Variants in FGF14 observed in about 807,000 individuals in gnomAD.
FGF14 encodes fibroblast growth factor homologous factor 4.
FGF14 carries 5 observed loss-of-function variants against 25.5 expected under a neutral mutation model. The ratio of observed to expected loss-of-function variants is 0.20; its 90% CI spans 0.10 to 0.41. The LOEUF (loss-of-function observed/expected upper bound fraction) is 0.41, where lower values mean the gene tolerates loss of function less well. FGF14 is among the 10% of genes least tolerant of loss of function. The pLI, the probability that FGF14 is intolerant of heterozygous loss-of-function variation, is 1.00. For synonymous variants in FGF14, 138 were observed against 118.3 expected (o/e 1.17, Z -1.08); for missense variants, 222 against 320.1 (o/e 0.69, Z 2.34).
intron 1 of FGF14, among the ~76,000 whole-genome samples, chr13:102,000,899 G>T (rs1186673114): frequency 6.6e-6 from 1 of 152,232 alleles, no homozygotes; most frequent in Non-Finnish European, 1.5e-5. Flanking sequence ...AGCTGGAGAT[G>T]AGATGGAAAG....
intron 2 of FGF14, among the ~76,000 whole-genome samples, chr13:101,871,708 C>G (rs1030402141): frequency 1.3e-5 from 2 of 151,902 alleles, no homozygotes; most frequent in African/African-American, 4.8e-5. Context: ...GAAAACTCAC[C>G]CACTAATAAA....
At chr13:102,212,347 A>G (rs1342494144) in intron 1 of FGF14, among the ~76,000 whole-genome samples, 1 of 152,194 alleles carries the variant, frequency 6.6e-6, no homozygotes, top group African/African-American at 2.4e-5. Context: ...CGAACACAGT[A>G]AAGTCTAACA....
intron 1 of FGF14, among the ~76,000 whole-genome samples, chr13:102,135,025 AC>A: frequency 8.9e-6 from 1 of 112,986 alleles, no homozygotes; most frequent in Middle Eastern, 4.9e-3. Flanking sequence ...GTCCACACAC[AC>A]ACACACACAC....
At chr13:102,000,041 C>T (rs556602618) in intron 1 of FGF14, among the ~76,000 whole-genome samples, 14 of 152,238 alleles carry the variant, frequency 9.2e-5, no homozygotes, top group Non-Finnish European at 1.9e-4. Context: ...GTTTGCCGGG[C>T]GCGGTGGCTC....
chr13:102,306,640 T>TA (rs1215354116), intron 1 of FGF14, among the ~76,000 whole-genome samples: 1 of 151,940 alleles, frequency 6.6e-6, no homozygotes, highest in African/African-American at 2.4e-5. Flanking sequence ...AAACATTGCT[T>TA]AAAAAATAAT....
In FGF14 at chr13:101,713,143, ACTTT is replaced by A. The variant is rs916420949; in HGVS notation, c.*9684_*9687del. 3.3e-5 allele frequency: 5 copies of A among 152,174 alleles called. No homozygotes were observed. The highest frequency in any genetic ancestry group is 1.2e-4 in the African/African-American group (5 of 41,450). The allele number at this position is 152,174 out of a possible 1,614,324, so 9.4% of individuals were successfully genotyped here. On this transcript the variant is annotated 3_prime_UTR_variant, in exon 5 of 5. Transcript: ENST00000376143. ...AAGAAATGGCAAACATTTAATTTGG[ACTTT>A]GGGGATTTTTGCAGCTGAAATGCAT... is the stretch of plus-strand genomic sequence containing the variant.
intron 1 of FGF14, among the ~76,000 whole-genome samples, chr13:101,992,335 A>T (rs2038956219): frequency 6.6e-6 from 1 of 152,172 alleles, no homozygotes; most frequent in Non-Finnish European, 1.5e-5. Context: ...TGTTAGCCAG[A>T]TAAATATCAA....
chr13:101,756,780 G>A (rs1352739439), intron 3 of FGF14, among the ~76,000 whole-genome samples: 1 of 151,950 alleles, frequency 6.6e-6, no homozygotes, highest in East Asian at 1.9e-4. Flanking sequence ...ACAAAAAACT[G>A]TCCTAGAAAA....
chr13:101,952,009 T>C (rs536014851), intron 1 of FGF14, among the ~76,000 whole-genome samples: 2 of 152,356 alleles, frequency 1.3e-5, no homozygotes, highest in Admixed American at 1.3e-4. Flanking sequence ...GTTTAATACT[T>C]TGTGCTTTAT....
intron 1 of FGF14, among the ~76,000 whole-genome samples, chr13:102,319,015 G>A (rs565301148): frequency 6.6e-6 from 1 of 152,318 alleles, no homozygotes; most frequent in African/African-American, 2.4e-5. Context: ...CTATTGAGGA[G>A]AGAAGCCGTT....
intron 1 of FGF14, among the ~76,000 whole-genome samples, chr13:102,263,836 C>T (rs895824804): frequency 2.8e-4 from 42 of 152,164 alleles, no homozygotes; most frequent in African/African-American, 9.4e-4. Flanking sequence ...CTCTGTTTAA[C>T]GTATTTGAAA....
intron 1 of FGF14, among the ~76,000 whole-genome samples, chr13:102,359,186 A>C (rs566837522): frequency 7.9e-5 from 12 of 152,226 alleles, no homozygotes; most frequent in Non-Finnish European, 1.3e-4. Context: ...GGGGGGAAGG[A>C]GATCATCAAG....
intron 3 of FGF14, among the ~76,000 whole-genome samples, chr13:101,746,181 C>T (rs150826452): frequency 6.6e-6 from 1 of 152,066 alleles, no homozygotes; most frequent in African/African-American, 2.4e-5. Context: ...TTATTTGGAA[C>T]CTTAATGAGT....
At chr13:102,087,956 C>T (rs906210384) in intron 1 of FGF14, among the ~76,000 whole-genome samples, 1 of 152,126 alleles carries the variant, frequency 6.6e-6, no homozygotes, top group Non-Finnish European at 1.5e-5. Context: ...TTGTAAAGCT[C>T]ATGGCTTTTC....
intron 1 of FGF14, among the ~76,000 whole-genome samples, chr13:102,073,431 A>T (rs183923992): frequency 2.6e-5 from 4 of 152,306 alleles, no homozygotes; most frequent in Admixed American, 6.5e-5. Context: ...ACCTTTGATG[A>T]TGGATTATAA....
intron 1 of FGF14, among the ~76,000 whole-genome samples, chr13:102,106,386 C>T (rs2044916146): frequency 6.6e-6 from 1 of 152,056 alleles, no homozygotes; most frequent in Non-Finnish European, 1.5e-5. Context: ...GCCTGGCTAA[C>T]ATGGTGAAAC....
chr13:102,164,129 G>C (rs138923344), intron 1 of FGF14, among the ~76,000 whole-genome samples: 74 of 152,186 alleles, frequency 4.9e-4, no homozygotes, highest in African/African-American at 1.4e-3. Flanking sequence ...CAAGGTCCTG[G>C]AATAACAGAG....
chr13:101,797,768 T>TGC (rs1331205881), intron 3 of FGF14, among the ~76,000 whole-genome samples: 7 of 144,374 alleles, frequency 4.8e-5, no homozygotes, highest in Admixed American at 2.7e-4. Context: ...TGTGTGTGTG[T>TGC]GTGTGTGTGT....
At chr13:102,007,798 G>A (rs886512671) in intron 1 of FGF14, among the ~76,000 whole-genome samples, 3 of 152,138 alleles carry the variant, frequency 2.0e-5, no homozygotes, top group African/African-American at 4.8e-5. Flanking sequence ...TGGTTCTCCC[G>A]GGGATGTCTT....
Sources: allele counts gnomAD v4.1 joint callset (sites outside exome capture counted in the v4.1 genomes callset), GRCh38; gene constraint gnomAD v4.1.1; transcripts MANE v1.5; gene names NCBI Gene and HGNC (gene_info 2026-07-23, HGNC 2026-07-21).